Variants in ARFGAP3 observed in about 807,000 individuals in gnomAD.
ARFGAP3 encodes ADP-ribosylation factor GTPase-activating protein 3.
In ARFGAP3, 72 loss-of-function variants were observed where a neutral mutation model predicts 75.0. The ratio of observed to expected loss-of-function variants is 0.96; its 90% CI spans 0.79 to 1.17. The LOEUF (loss-of-function observed/expected upper bound fraction) is 1.17. ARFGAP3 is among the 50% of genes most tolerant of loss of function. The probability of loss-of-function intolerance (pLI) is 0.00; values close to 1 mark genes in which losing one functional copy is unlikely to be tolerated. For missense variants in ARFGAP3, 620 were observed against 626.6 expected, an observed-to-expected ratio of 0.99 and a Z score of 0.11; for synonymous variants, 221 against 217.9, an observed-to-expected ratio of 1.01 and a Z score of -0.13.
chr22:42,855,012 CTATT>C (rs1174246851), intron 1 of ARFGAP3, among the ~76,000 whole-genome samples: 1 of 152,190 alleles, frequency 6.6e-6, no homozygotes. Flanking sequence ...TTATTGAAGA[CTATT>C]ATATGCAGTT....
At chr22:42,826,906 T>G (rs1360100206) in intron 7 of ARFGAP3, 34 bp downstream of exon 7, 1 of 1,600,316 alleles carries the variant, frequency 6.2e-7, no homozygotes, top group Non-Finnish European at 8.5e-7. Flanking sequence ...AGTCATACAC[T>G]TTAAATCAGA....
intron 14 of ARFGAP3, 61 bp from the exon 15 acceptor site, chr22:42,799,221 G>A (rs1924746452): frequency 2.5e-6 from 4 of 1,595,012 alleles, no homozygotes; most frequent in African/African-American, 1.3e-5. Context: ...GGCAAACCCA[G>A]TACCCAGAGT....
At chr22:42,831,283 T>G (rs1926273283) in intron 6 of ARFGAP3, among the ~76,000 whole-genome samples, 1 of 136,276 alleles carries the variant, frequency 7.3e-6, no homozygotes. Context: ...CAAGACTTAG[T>G]CTCAAAAAAA....
At chr22:42,824,193 T>G (rs1020299341) in intron 7 of ARFGAP3, among the ~76,000 whole-genome samples, 7 of 147,826 alleles carry the variant, frequency 4.7e-5, no homozygotes, top group Admixed American at 6.8e-5. Context: ...TTTTTTTTTT[T>G]TTTTAGAGAT....
chr22:42,797,936 T>C (rs1013549763), intron 15 of ARFGAP3, among the ~76,000 whole-genome samples: 1 of 152,162 alleles, frequency 6.6e-6, no homozygotes, highest in African/African-American at 2.4e-5. Context: ...GGGAAGCAAG[T>C]GGGAAACGGA....
chr22:42,817,601 ATAAT>A (rs1456721291), intron 10 of ARFGAP3, 124 bp downstream of exon 10: 7 of 875,710 alleles, frequency 8.0e-6, no homozygotes, highest in Middle Eastern at 2.3e-4. Flanking sequence ...CAAAGCAAAA[ATAAT>A]TAGAGAAGTT....
chr22:42,797,485 A>T lies in ARFGAP3; in HGVS notation c.*103T>A, dbSNP rs1332796789. The T allele has an allele frequency of 1.4e-6, 2 of 1,481,460 alleles. No individual in the cohort carries two copies. Among genetic ancestry groups the T allele is most frequent in the South Asian group, 2.3e-5 (2 of 86,664 alleles). The allele number at this position is 1,481,460 out of a possible 1,614,324, so 91.8% of individuals were successfully genotyped here. A position where few individuals can be genotyped will look rare whatever the true frequency, so the allele number is the denominator to read the frequency against. ...ACATATACCATATGAAAAAGTAGCA[A>T]AACAATCTGCAAAACTATCTGGACT... On this transcript the variant is annotated 3_prime_UTR_variant, in exon 16 of 16. Coordinates refer to ENST00000263245, the MANE Select transcript of ARFGAP3 (RefSeq NM_014570.5).
chr22:42,849,560 CTTT>C (rs58141557), intron 1 of ARFGAP3, among the ~76,000 whole-genome samples: 50,745 of 127,810 alleles, frequency 0.4, 10,253 homozygotes, highest in Non-Finnish European at 0.46. Context: ...TGCTTTATGG[CTTT>C]TTTTTTTTTT....
intron 12 of ARFGAP3, among the ~76,000 whole-genome samples, chr22:42,809,207 A>G (rs566883229): frequency 3.3e-5 from 5 of 152,280 alleles, no homozygotes; most frequent in South Asian, 2.1e-4. Flanking sequence ...CTCTCTCTAC[A>G]TTGTATAGGT....
At chr22:42,797,649 G>A (rs766002585) in intron 15 of ARFGAP3, 44 bp from the exon 16 acceptor site, 7 of 1,613,712 alleles carry the variant, frequency 4.3e-6, no homozygotes, top group African/African-American at 4.0e-5. Context: ...ATTCAGCAGC[G>A]ATCCCTGACT....
At position 42,850,439 on chromosome 22, in the gene ARFGAP3, G is replaced by A. The variant is rs75320536; in HGVS notation, c.70-2807C>T. The stretch of plus-strand genomic sequence containing the variant: ...AATTAAAAAAATTAGCCGGCGTGGT[G>A]GAACGTGCCTGTAGTCTCAGCTACT... On this transcript the variant is annotated intron_variant, in intron 1 of 15. Coordinates refer to ENST00000263245, the MANE Select transcript of ARFGAP3 (RefSeq NM_014570.5). 2.8e-3 allele frequency among the ~76,000 whole-genome samples: 426 copies of A among 151,766 alleles called. 14 individuals carry two copies. In the East Asian group the frequency reaches 0.052, roughly 19 times the overall value.
In ARFGAP3 at chr22:42,807,111, G is replaced by A. The variant is rs776224296; in HGVS notation, c.1373C>T (p.Ser458Leu). Residue 458 changes from serine to leucine, a missense_variant, in exon 14 of 16, where the codon TCG becomes TTG. By Grantham distance (145) the Ser-to-Leu change is moderately radical. Coordinates refer to ENST00000263245, the MANE Select transcript of ARFGAP3 (RefSeq NM_014570.5). ...ERLSASSSIS[S>L]ADLFEEPRKQ... ...CCTCGGCTCCTCGAACAGATCAGCC[G>A]AGCTTATGGAGGAACTTGCCGACAG... The A allele has an allele frequency of 1.1e-5, 18 of 1,612,710 alleles. No individual in the cohort carries two copies. Among genetic ancestry groups the A allele is most frequent in the East Asian group, 1.1e-4 (5 of 44,892 alleles).
At chr22:42,815,788 A>G (rs1925551902) in intron 11 of ARFGAP3, among the ~76,000 whole-genome samples, 1 of 152,194 alleles carries the variant, frequency 6.6e-6, no homozygotes, top group African/African-American at 2.4e-5. Context: ...GTGGTCCTCA[A>G]TGTGGTTAGT....
intron 10 of ARFGAP3, 133 bp from the exon 11 acceptor site, chr22:42,817,397 A>C (rs1360590056): frequency 7.7e-7 from 1 of 1,291,942 alleles, no homozygotes; most frequent in Non-Finnish European, 1.0e-6. Context: ...GCAATAAAAC[A>C]ATTTTTTTTT....
In ARFGAP3 at chr22:42,810,794, C is replaced by T. The variant is rs1925334358; in HGVS notation, c.1196+19G>A. 2.5e-6 allele frequency: 4 copies of T among 1,601,862 alleles called. No individual in the cohort carries two copies. The highest frequency in any genetic ancestry group is 3.4e-6 in the Non-Finnish European group (4 of 1,171,530). On this transcript the variant is annotated intron_variant, in intron 12 of 15. Coordinates refer to ENST00000263245, the MANE Select transcript of ARFGAP3 (RefSeq NM_014570.5). Reference sequence around the variant, plus strand: ...ATGCATGGATTCACTACTACAACCCCACAGTTTTGCATTCATACCTGTCTG... The same window carrying T: ...ATGCATGGATTCACTACTACAACCCTACAGTTTTGCATTCATACCTGTCTG...
At chr22:42,818,757 T>C in intron 9 of ARFGAP3, among the ~76,000 whole-genome samples, 1 of 150,880 alleles carries the variant, frequency 6.6e-6, no homozygotes, top group Non-Finnish European at 1.5e-5. Context: ...AGAGGCATTG[T>C]ATAAATTCCT....
At chr22:42,834,789 C>T (rs1296583118) in intron 4 of ARFGAP3, among the ~76,000 whole-genome samples, 2 of 152,166 alleles carry the variant, frequency 1.3e-5, no homozygotes, top group Non-Finnish European at 2.9e-5. Flanking sequence ...CACTACTCTG[C>T]CTTCTTGTTT....
chr22:42,826,038 AT>A (rs1391577197), intron 7 of ARFGAP3, among the ~76,000 whole-genome samples: 1 of 152,170 alleles, frequency 6.6e-6, no homozygotes, highest in East Asian at 1.9e-4. Context: ...TCAGATTTGT[AT>A]TGTAGTAGTC....
intron 6 of ARFGAP3, chr22:42,827,206 G>A (rs908860485): frequency 6.5e-6 from 3 of 460,848 alleles, no homozygotes; most frequent in Non-Finnish European, 5.7e-6. Flanking sequence ...TAATCCAATG[G>A]CTTTATCAAA....
Sources: allele counts gnomAD v4.1 joint callset (sites outside exome capture counted in the v4.1 genomes callset), GRCh38; gene constraint gnomAD v4.1.1; transcripts MANE v1.5; gene names NCBI Gene and HGNC (gene_info 2026-07-23, HGNC 2026-07-21).